The following AGBL1 variants were observed in gnomAD, a reference collection of about 807,000 sequenced individuals.
AGBL1 encodes AGBL carboxypeptidase 1.
A neutral mutation model predicts 118.9 loss-of-function variants in AGBL1; 130 were observed. The ratio of observed to expected loss-of-function variants is 1.09; its 90% confidence interval spans 0.95 to 1.26. The LOEUF is 1.26. Ranked by LOEUF, AGBL1 falls within the 50% of genes most tolerant of loss-of-function variation. AGBL1 has a pLI of 0.00. For missense variants in AGBL1, 1,584 were observed against 1,298.1 expected, an observed-to-expected ratio of 1.22 and a Z score of -3.38; for synonymous variants, 555 against 478.9, an observed-to-expected ratio of 1.16 and a Z score of -2.08.
At chr15:86,787,094 A>T (rs1215077321) in intron 22 of AGBL1, among the ~76,000 whole-genome samples, 1 of 152,128 alleles carries the variant, frequency 6.6e-6, no homozygotes, top group Admixed American at 6.6e-5. Context: ...CAAATATTTA[A>T]TGGGTATTCT....
At chr15:87,012,118 G>A (rs11852282) in intron 24 of AGBL1, among the ~76,000 whole-genome samples, 15,649 of 151,698 alleles carry the variant, frequency 0.1, 1,623 homozygotes, top group African/African-American at 0.27. Context: ...AATAGGCTCA[G>A]GTATGCTCTG....
chr15:86,320,861 G>A (rs910802095), intron 17 of AGBL1, among the ~76,000 whole-genome samples: 4 of 152,028 alleles, frequency 2.6e-5, no homozygotes, highest in Non-Finnish European at 5.9e-5. Context: ...ATAATTATCA[G>A]ATAGTTTTTC....
intron 18 of AGBL1, among the ~76,000 whole-genome samples, chr15:86,402,512 A>G (rs2081463885): frequency 2.0e-5 from 3 of 152,156 alleles, no homozygotes; most frequent in African/African-American, 7.2e-5. Flanking sequence ...TAATGTGGGC[A>G]TTCTTAGTAG....
chr15:86,518,816 G>A (rs1359384217), intron 18 of AGBL1, among the ~76,000 whole-genome samples: 1 of 151,722 alleles, frequency 6.6e-6, no homozygotes, highest in Non-Finnish European at 1.5e-5. Flanking sequence ...ATCTAGGCAA[G>A]GTTATCACAT....
At chr15:86,167,453 C>A (rs910614572) in intron 5 of AGBL1, among the ~76,000 whole-genome samples, 9 of 152,228 alleles carry the variant, frequency 5.9e-5, no homozygotes, top group African/African-American at 1.9e-4. Flanking sequence ...ACCATGTTGG[C>A]CAGGCTGATC....
At chr15:86,277,395 C>T (rs1378017624) in intron 15 of AGBL1, among the ~76,000 whole-genome samples, 2 of 151,796 alleles carry the variant, frequency 1.3e-5, no homozygotes, top group African/African-American at 4.8e-5. Context: ...ATTTGAATTC[C>T]TTACACTTCC....
chr15:86,224,462 G>A (rs1025010251), intron 5 of AGBL1, among the ~76,000 whole-genome samples: 15 of 152,166 alleles, frequency 9.9e-5, no homozygotes, highest in Admixed American at 7.8e-4. Flanking sequence ...ATCCCCAGGG[G>A]TATGAGTGTT....
chr15:86,654,582 G>T lies in AGBL1; in HGVS notation c.2995-19691G>T, dbSNP rs142028915. Among the ~76,000 whole-genome samples the T allele has an allele frequency of 6.6e-5, 10 of 152,276 alleles. No individual in the cohort carries two copies. The East Asian group carries it at 1.9e-3, about 29-fold the overall frequency. On this transcript the variant is annotated intron_variant, in intron 21 of 22. Transcript: ENST00000614907. Reference sequence around the variant, plus strand: ...TCAAGGCTTTACAGAGTACATTGTTGTATTTTTTAAGTTTCATGTTTAGAA... The same window carrying T: ...TCAAGGCTTTACAGAGTACATTGTTTTATTTTTTAAGTTTCATGTTTAGAA...
rs150307216 is a variant in AGBL1, at chr15:86,196,741, G to A, written c.489-28173G>A. Among the ~76,000 whole-genome samples the A allele has an allele frequency of 6.3e-3, 964 of 152,172 alleles. 5 individuals are homozygous for A. Among genetic ancestry groups the A allele is most frequent in the Non-Finnish European group, 0.01 (687 of 68,008 alleles). ...ACTGTATTTTAAGATGGGGTCTTTA[G>A]GAGTAAAGTTAAGTGAGGTCATAAG... is the stretch of plus-strand genomic sequence containing the variant. On this transcript the variant is annotated intron_variant, in intron 5 of 22. Coordinates refer to ENST00000614907, the MANE Select transcript of AGBL1 (RefSeq NM_001386094.1).
At chr15:86,404,896 CT>C (rs1348366275) in intron 18 of AGBL1, among the ~76,000 whole-genome samples, 4 of 152,128 alleles carry the variant, frequency 2.6e-5, no homozygotes, top group Non-Finnish European at 5.9e-5. Flanking sequence ...GTTAATCATC[CT>C]TTTCCAGGAA....
intron 1 of AGBL1, among the ~76,000 whole-genome samples, chr15:86,117,553 A>G (rs1337120994): frequency 1.3e-5 from 2 of 152,120 alleles, no homozygotes; most frequent in African/African-American, 2.4e-5. Flanking sequence ...AATTATCTCT[A>G]TTTCACAGAT....
intron 21 of AGBL1, among the ~76,000 whole-genome samples, chr15:86,560,599 C>T (rs1489464599): frequency 2.6e-5 from 4 of 152,120 alleles, no homozygotes; most frequent in African/African-American, 7.2e-5. Flanking sequence ...ACAATAAACA[C>T]ACATGTGCAT....
chr15:86,461,894 T>C (rs2082339050), intron 18 of AGBL1, among the ~76,000 whole-genome samples: 1 of 152,214 alleles, frequency 6.6e-6, no homozygotes, highest in East Asian at 1.9e-4. Context: ...CACATGCTCA[T>C]GGTGGCAATC....
intron 22 of AGBL1, among the ~76,000 whole-genome samples, chr15:86,899,333 G>C (rs1192807873): frequency 2.0e-5 from 3 of 152,120 alleles, no homozygotes; most frequent in Non-Finnish European, 4.4e-5. Flanking sequence ...GGAGCTAAAT[G>C]ATGAGAACTT....
chr15:86,151,745 T>G (rs1364107357), intron 3 of AGBL1, among the ~76,000 whole-genome samples: 1 of 152,204 alleles, frequency 6.6e-6, no homozygotes, highest in Non-Finnish European at 1.5e-5. Context: ...TGTCCCTGTT[T>G]GCAGATGACA....
At chr15:86,918,471 C>G (rs1052219439), downstream of AGBL1, among the ~76,000 whole-genome samples, 1 of 151,684 alleles carries the variant, frequency 6.6e-6, no homozygotes, top group Non-Finnish European at 1.5e-5. Flanking sequence ...TCTTCAAATT[C>G]AATTAGAAAT....
At chr15:86,771,627 C>G (rs1265051353) in intron 22 of AGBL1, among the ~76,000 whole-genome samples, 1 of 151,928 alleles carries the variant, frequency 6.6e-6, no homozygotes, top group African/African-American at 2.4e-5. Context: ...TTTTGGTCCA[C>G]TGGTAACATG....
At chr15:86,393,787 G>T (rs1171582695) in intron 17 of AGBL1, among the ~76,000 whole-genome samples, 1 of 152,084 alleles carries the variant, frequency 6.6e-6, no homozygotes, top group Non-Finnish European at 1.5e-5. Context: ...AAAATTATAT[G>T]TTGAAATCCT....
chr15:86,374,448 T>A (rs1273159335), intron 17 of AGBL1, among the ~76,000 whole-genome samples: 3 of 152,210 alleles, frequency 2.0e-5, no homozygotes, highest in Non-Finnish European at 4.4e-5. Context: ...AGGCAGCACC[T>A]TCTTTGGGGC....
Sources: allele counts gnomAD v4.1 joint callset (sites outside exome capture counted in the v4.1 genomes callset), GRCh38; gene constraint gnomAD v4.1.1; transcripts MANE v1.5; gene names NCBI Gene and HGNC (gene_info 2026-07-23, HGNC 2026-07-21).